The following UNC13C variants were observed in gnomAD, a reference collection of about 807,000 sequenced individuals.
The protein encoded by UNC13C is unc-13 homolog C, also known as protein unc-13 homolog C.
A neutral mutation model predicts 245.4 loss-of-function variants in UNC13C; 174 were observed. The observed-to-expected ratio is 0.71, with a 90% CI of 0.63 to 0.80. UNC13C has a LOEUF of 0.80. UNC13C is among the 30% of genes least tolerant of loss of function. UNC13C has a pLI of 0.00. For missense variants in UNC13C, 2,829 were observed against 2,602.9 expected, an observed-to-expected ratio of 1.09 and a Z score of -1.89; for synonymous variants, 992 against 895.1, an observed-to-expected ratio of 1.11 and a Z score of -1.93.
rs1869527411 is a variant in UNC13C, at chr15:54,566,089, T to A, written c.5959-1711T>A. Among the ~76,000 whole-genome samples the A allele has an allele frequency of 3.9e-5, 6 of 152,062 alleles. No individual in the cohort carries two copies. In the South Asian group the frequency reaches 1.2e-3, roughly 32 times the overall value. ...GTTCCCCCCCTACTCTTGGCTCAGT[T>A]TCTAGCATTGCTCTTTACTCTCAGG... On this transcript the variant is annotated intron_variant, in intron 29 of 32. Coordinates refer to ENST00000260323, the MANE Select transcript of UNC13C (RefSeq NM_001080534.3).
chr15:53,981,461 G>T (rs774531858), intron 1 of UNC13C, among the ~76,000 whole-genome samples: 11 of 152,118 alleles, frequency 7.2e-5, no homozygotes, highest in Non-Finnish European at 1.5e-4. Context: ...GTCATAGTTT[G>T]TACCTAATAT....
intron 24 of UNC13C, among the ~76,000 whole-genome samples, chr15:54,516,799 C>CAAAAAAAAAAA (rs59628073): frequency 8.1e-6 from 1 of 123,636 alleles, no homozygotes; most frequent in Admixed American, 8.7e-5. Context: ...GATGCTGTCT[C>CAAAAAAAAAAA]AAAAAAAAAA....
At chr15:54,329,480 C>A (rs1400220391) in intron 14 of UNC13C, among the ~76,000 whole-genome samples, 3 of 151,862 alleles carry the variant, frequency 2.0e-5, no homozygotes, top group African/African-American at 7.3e-5. Flanking sequence ...AATAAAAAAA[C>A]TGAATAATGT....
chr15:54,574,954 C>T (rs1395977227), intron 30 of UNC13C, among the ~76,000 whole-genome samples: 1 of 152,102 alleles, frequency 6.6e-6, no homozygotes, highest in Non-Finnish European at 1.5e-5. Context: ...TAGTATATTG[C>T]ATTAATGTCA....
At chr15:54,153,712 A>C (rs1039896266) in intron 4 of UNC13C, among the ~76,000 whole-genome samples, 5 of 152,116 alleles carry the variant, frequency 3.3e-5, no homozygotes, top group African/African-American at 1.2e-4. Flanking sequence ...ATATGTACCA[A>C]ATAAATGTAG....
the UNC13C span, among the ~76,000 whole-genome samples, chr15:53,858,068 T>C: frequency 6.6e-6 from 1 of 152,226 alleles, no homozygotes; most frequent in East Asian, 1.9e-4. Flanking sequence ...AATTTAGCTC[T>C]TGCTGAAATG....
At chr15:54,413,531 AC>A (rs2040455722) in intron 18 of UNC13C, among the ~76,000 whole-genome samples, 1 of 152,138 alleles carries the variant, frequency 6.6e-6, no homozygotes, top group African/African-American at 2.4e-5. Context: ...AATATTGAAA[AC>A]TAATTTATAT....
intron 19 of UNC13C, among the ~76,000 whole-genome samples, chr15:54,454,460 C>T (rs1379061323): frequency 6.6e-6 from 1 of 151,878 alleles, no homozygotes; most frequent in Non-Finnish European, 1.5e-5. Context: ...CACCTGTAAT[C>T]CCAAGGTCTC....
chr15:54,437,890 G>A (rs983086958), intron 19 of UNC13C, among the ~76,000 whole-genome samples: 1 of 151,868 alleles, frequency 6.6e-6, no homozygotes, highest in Non-Finnish European at 1.5e-5. Context: ...GCAGCTCAAG[G>A]TTTTGCTACC....
intron 24 of UNC13C, among the ~76,000 whole-genome samples, chr15:54,517,118 A>C (rs529877674): frequency 1.3e-5 from 2 of 152,222 alleles, no homozygotes; most frequent in African/African-American, 4.8e-5. Flanking sequence ...ACAGAGGCCA[A>C]ATTTTACATT....
intron 7 of UNC13C, among the ~76,000 whole-genome samples, chr15:54,238,859 C>A (rs2035777281): frequency 6.6e-6 from 1 of 152,286 alleles, no homozygotes; most frequent in African/African-American, 2.4e-5. Context: ...ATTCTTAAAT[C>A]CGGCTCACTG....
chr15:53,877,452 C>T, the UNC13C span, among the ~76,000 whole-genome samples: 1 of 152,014 alleles, frequency 6.6e-6, no homozygotes, highest in African/African-American at 2.4e-5. Context: ...GTTAATCCAG[C>T]CAAAACCTAG....
intron 19 of UNC13C, among the ~76,000 whole-genome samples, chr15:54,428,118 G>T (rs1325128403): frequency 1.3e-5 from 2 of 151,726 alleles, no homozygotes; most frequent in African/African-American, 4.8e-5. Flanking sequence ...TGTTAGTTGT[G>T]CCTAGTACTC....
chr15:54,332,195 G>A, intron 15 of UNC13C, 84 bp downstream of exon 15: 4 of 926,060 alleles, frequency 4.3e-6, no homozygotes, highest in Admixed American at 2.9e-5. Context: ...TACCCATCAT[G>A]TAATAGAAAA....
chr15:53,924,070 AGTG>A, the UNC13C span, among the ~76,000 whole-genome samples: 1 of 151,962 alleles, frequency 6.6e-6, no homozygotes, highest in Non-Finnish European at 1.5e-5. Context: ...AGCCGGGTGT[AGTG>A]GTGGGCGCCT....
intron 19 of UNC13C, among the ~76,000 whole-genome samples, chr15:54,491,358 G>GAAA (rs550133521): frequency 6.6e-6 from 1 of 151,074 alleles, no homozygotes. Flanking sequence ...CCTACCAAAG[G>GAAA]AAAAAAAAAC....
intron 4 of UNC13C, among the ~76,000 whole-genome samples, chr15:54,197,271 G>C (rs565118516): frequency 1.6e-4 from 24 of 152,140 alleles, no homozygotes; most frequent in African/African-American, 5.5e-4. Context: ...GAGGTCAGGA[G>C]ATCGAGACCA....
intron 2 of UNC13C, among the ~76,000 whole-genome samples, chr15:54,062,931 C>T (rs943224063): frequency 6.6e-6 from 1 of 152,132 alleles, no homozygotes; most frequent in African/African-American, 2.4e-5. Context: ...TTGAGAGACA[C>T]AGTTGTAATT....
At chr15:54,257,474 GATTGAAT>G (rs2036308881) in intron 8 of UNC13C, among the ~76,000 whole-genome samples, 1 of 152,168 alleles carries the variant, frequency 6.6e-6, no homozygotes, top group African/African-American at 2.4e-5. Flanking sequence ...ATAATGAGAT[GATTGAAT>G]ATGGTGGGGA....
Sources: gnomAD v4.1 joint callset for allele counts (sites outside exome capture counted in the v4.1 genomes callset) on GRCh38, gnomAD v4.1.1 for gene constraint, MANE v1.5 for transcripts, NCBI Gene and HGNC (gene_info 2026-07-23, HGNC 2026-07-21) for gene names.